Variants in XKR9 observed in about 807,000 individuals in gnomAD.
XKR9 encodes XK-related protein 9.
A neutral mutation model predicts 32.0 loss-of-function variants in XKR9; 32 were observed. The ratio of observed to expected loss-of-function variants is 1.00; its 90% CI spans 0.76 to 1.34. XKR9 has a LOEUF of 1.34. Among genes scored for constraint, XKR9 ranks in the 40% most tolerant of loss-of-function variants. XKR9 has a pLI of 0.00. For missense variants in XKR9, 546 were observed against 429.7 expected, an observed-to-expected ratio of 1.27 and a Z score of -2.39; for synonymous variants, 168 against 143.4, an observed-to-expected ratio of 1.17 and a Z score of -1.22.
the XKR9 span, among the ~76,000 whole-genome samples, chr8:71,015,568 A>T: frequency 1.3e-5 from 2 of 152,174 alleles, no homozygotes; most frequent in African/African-American, 4.8e-5. Context: ...CTTATGGCCT[A>T]TAGTAACAAA....
At chr8:70,823,510 T>G in the XKR9 span, among the ~76,000 whole-genome samples, 1 of 152,236 alleles carries the variant, frequency 6.6e-6, no homozygotes. Context: ...ATACACTCTA[T>G]CTTTTCTATT....
chr8:70,823,594 A>G, the XKR9 span, among the ~76,000 whole-genome samples: 1 of 152,218 alleles, frequency 6.6e-6, no homozygotes, highest in East Asian at 1.9e-4. Flanking sequence ...AAGAATTGAA[A>G]TTCCCATGGT....
At chr8:70,739,832 G>C (rs1806938392), downstream of XKR9, among the ~76,000 whole-genome samples, 3 of 152,222 alleles carry the variant, frequency 2.0e-5, no homozygotes, top group Admixed American at 1.3e-4. Flanking sequence ...TCTGCCGAGA[G>C]ATCCGCCGTT....
intron 1 of XKR9, 109 bp downstream of exon 1, chr8:70,669,647 G>A (rs1387121753): frequency 9.9e-6 from 1 of 101,082 alleles, no homozygotes; most frequent in African/African-American, 3.4e-5. Flanking sequence ...TGTAGTAGTA[G>A]TAGTAGTAGC....
chr8:70,731,185 C>A (rs114619304), intron 4 of XKR9, among the ~76,000 whole-genome samples: 1,607 of 152,282 alleles, frequency 0.011, 27 homozygotes, highest in African/African-American at 0.037. Context: ...CAGCCTAAGA[C>A]TAGTTTCACA....
At chr8:71,011,448 C>G in the XKR9 span, among the ~76,000 whole-genome samples, 2 of 152,182 alleles carry the variant, frequency 1.3e-5, no homozygotes, top group African/African-American at 4.8e-5. Context: ...CACAGAGACT[C>G]TTGGTTATTT....
the XKR9 span, among the ~76,000 whole-genome samples, chr8:70,941,065 C>A: frequency 5.9e-5 from 9 of 152,134 alleles, no homozygotes; most frequent in Non-Finnish European, 1.3e-4. Context: ...TGTGCTACTA[C>A]CACCATCTAG....
the XKR9 span, among the ~76,000 whole-genome samples, chr8:70,911,224 A>G: frequency 6.6e-6 from 1 of 152,164 alleles, no homozygotes; most frequent in South Asian, 2.1e-4. Flanking sequence ...ACAAAGCTCA[A>G]ATTACTTGAT....
At chr8:70,895,990 AG>A in the XKR9 span, among the ~76,000 whole-genome samples, 1 of 152,156 alleles carries the variant, frequency 6.6e-6, no homozygotes, top group Non-Finnish European at 1.5e-5. Flanking sequence ...CCTGGGTGAC[AG>A]AGAAAGACCC....
the XKR9 span, among the ~76,000 whole-genome samples, chr8:70,868,726 C>T: frequency 2.6e-5 from 4 of 152,166 alleles, no homozygotes; most frequent in Non-Finnish European, 4.4e-5. Flanking sequence ...CTCCTCATTA[C>T]TTATGCAAAT....
downstream of XKR9, among the ~76,000 whole-genome samples, chr8:70,738,302 G>A (rs1219979903): frequency 6.9e-6 from 1 of 143,926 alleles, no homozygotes. Flanking sequence ...ATTTCTGTGG[G>A]ATCGGTGGTG....
intron 4 of XKR9, among the ~76,000 whole-genome samples, chr8:70,712,067 C>T (rs1305283776): frequency 2.0e-5 from 3 of 152,110 alleles, no homozygotes; most frequent in Non-Finnish European, 2.9e-5. Flanking sequence ...CTTCTGAAAT[C>T]GTGCTTTTAT....
the XKR9 span, among the ~76,000 whole-genome samples, chr8:70,941,421 A>G: frequency 6.6e-6 from 1 of 152,102 alleles, no homozygotes; most frequent in Non-Finnish European, 1.5e-5. Context: ...AGATAAAGCC[A>G]GGGTCTGGAG....
chr8:70,971,767 G>A, the XKR9 span, among the ~76,000 whole-genome samples: 1 of 151,578 alleles, frequency 6.6e-6, no homozygotes, highest in Non-Finnish European at 1.5e-5. Flanking sequence ...AATCAGTTGG[G>A]TGTAAGTATT....
At chr8:70,670,940 C>A (rs1653080676) in intron 1 of XKR9, among the ~76,000 whole-genome samples, 3 of 152,114 alleles carry the variant, frequency 2.0e-5, no homozygotes, top group Admixed American at 2.0e-4. Flanking sequence ...GTCAGTGAAC[C>A]CTGGAGAAGA....
intron 3 of XKR9, among the ~76,000 whole-genome samples, chr8:70,682,820 C>A (rs769417948): frequency 2.0e-5 from 3 of 152,174 alleles, no homozygotes; most frequent in Non-Finnish European, 4.4e-5. Flanking sequence ...AAATTTGGCA[C>A]ATACGTTGTT....
chr8:70,831,967 G>A, the XKR9 span, among the ~76,000 whole-genome samples: 2 of 152,110 alleles, frequency 1.3e-5, no homozygotes, highest in Non-Finnish European at 2.9e-5. Context: ...ATGTGTCTGA[G>A]CAGCTGTAAA....
the XKR9 span, among the ~76,000 whole-genome samples, chr8:70,949,347 A>G: frequency 6.6e-6 from 1 of 152,152 alleles, no homozygotes; most frequent in Non-Finnish European, 1.5e-5. Flanking sequence ...AAACTTTAAA[A>G]TACTAGATAT....
the XKR9 span, among the ~76,000 whole-genome samples, chr8:70,828,832 C>T: frequency 6.6e-6 from 1 of 151,932 alleles, no homozygotes; most frequent in Non-Finnish European, 1.5e-5. Flanking sequence ...CTATATTATC[C>T]ATTGGGTCAT....
Sources: gnomAD v4.1 joint callset for allele counts (sites outside exome capture counted in the v4.1 genomes callset) on GRCh38, gnomAD v4.1.1 for gene constraint, MANE v1.5 for transcripts, NCBI Gene and HGNC (gene_info 2026-07-23, HGNC 2026-07-21) for gene names.